Variants in TTC28 observed in about 807,000 individuals in gnomAD.
TTC28 encodes tetratricopeptide repeat domain 28.
Under a neutral mutation model 198.0 loss-of-function variants are expected in TTC28, and 61 were observed. The observed-to-expected ratio is 0.31, with a 90% CI of 0.25 to 0.38. The LOEUF is 0.38. Among genes scored for constraint, TTC28 ranks in the 10% least tolerant of loss-of-function variants. The pLI is 1.00. For missense variants in TTC28, 2,678 were observed against 3,164.0 expected (o/e 0.85, Z 3.69); for synonymous variants, 1,171 against 1,297.8 (o/e 0.90, Z 2.10).
Position 28,520,539 on chromosome 22 carries a change from T to C in TTC28, c.381+109013A>G, listed in dbSNP as rs527888722. 3.3e-5 allele frequency among the ~76,000 whole-genome samples: 5 copies of C among 152,192 alleles called. No individual in the cohort carries two copies. In the South Asian group the frequency reaches 1.0e-3, roughly 32 times the overall value. ...CAGACCAACTCACCTATCAAAACTA[T>C]CCTCCACAGCCTGGGCACCATCAAG... On this transcript the variant is annotated intron_variant, in intron 2 of 22. Transcript: ENST00000397906.
At chr22:28,579,356 T>C (rs956762284) in intron 2 of TTC28, among the ~76,000 whole-genome samples, 7 of 149,486 alleles carry the variant, frequency 4.7e-5, no homozygotes, top group Admixed American at 4.0e-4. Context: ...TATACATAAC[T>C]ATACATATGA....
chr22:28,460,558 A>G (rs1362340778), intron 2 of TTC28, among the ~76,000 whole-genome samples: 1 of 151,910 alleles, frequency 6.6e-6, no homozygotes, highest in East Asian at 1.9e-4. Flanking sequence ...ATATATATGT[A>G]TGTATGTATG....
At chr22:28,454,208 C>A (rs906711634) in intron 2 of TTC28, among the ~76,000 whole-genome samples, 1 of 152,170 alleles carries the variant, frequency 6.6e-6, no homozygotes, top group Admixed American at 6.5e-5. Flanking sequence ...CCACTTATTA[C>A]AATTTGAAAT....
At chr22:28,317,539 C>G (rs988054361) in intron 2 of TTC28, among the ~76,000 whole-genome samples, 2 of 152,164 alleles carry the variant, frequency 1.3e-5, no homozygotes, top group Admixed American at 6.5e-5. Context: ...ATATGCGCCA[C>G]TGAGTGTTCT....
At chr22:28,038,905 A>G (rs1014095885) in intron 12 of TTC28, among the ~76,000 whole-genome samples, 44 of 152,276 alleles carry the variant, frequency 2.9e-4, no homozygotes, top group Admixed American at 1.4e-3. Flanking sequence ...TGTAGCCAAC[A>G]GACACATGAA....
At chr22:28,306,722 G>A in intron 2 of TTC28, 79 bp from the exon 3 acceptor site, 1 of 1,450,906 alleles carries the variant, frequency 6.9e-7, no homozygotes. Context: ...AGAACAACAG[G>A]TCAGCAGAAC....
intron 2 of TTC28, among the ~76,000 whole-genome samples, chr22:28,317,203 G>C (rs977428633): frequency 6.6e-6 from 1 of 152,102 alleles, no homozygotes; most frequent in African/African-American, 2.4e-5. Context: ...GGTTGTAATA[G>C]CTACTATTAA....
chr22:28,498,317 A>T (rs1279838545), intron 2 of TTC28, among the ~76,000 whole-genome samples: 2 of 152,220 alleles, frequency 1.3e-5, no homozygotes, highest in South Asian at 4.1e-4. Context: ...CAGCAAATGC[A>T]GTTCACTTTG....
intron 1 of TTC28, among the ~76,000 whole-genome samples, chr22:28,633,030 A>C (rs1386899571): frequency 6.6e-6 from 1 of 152,040 alleles, no homozygotes; most frequent in Non-Finnish European, 1.5e-5. Context: ...CTGTAATCCC[A>C]GCACTTTGGG....
At chr22:28,542,754 A>G (rs928234704) in intron 2 of TTC28, among the ~76,000 whole-genome samples, 1 of 152,204 alleles carries the variant, frequency 6.6e-6, no homozygotes, top group Non-Finnish European at 1.5e-5. Flanking sequence ...AAAACACAAT[A>G]TATCAACATT....
At chr22:27,996,299 G>T in intron 16 of TTC28, 40 bp from the exon 17 acceptor site, 1 of 1,541,264 alleles carries the variant, frequency 6.5e-7, no homozygotes, top group Non-Finnish European at 8.8e-7. Context: ...AGGGCAGCTG[G>T]AGACCCCCAG....
intron 6 of TTC28, among the ~76,000 whole-genome samples, chr22:28,134,931 C>A (rs531808457): frequency 8.5e-5 from 13 of 152,284 alleles, no homozygotes; most frequent in Middle Eastern, 3.4e-3. Flanking sequence ...CTCACTCATG[C>A]ATTCTTATAA....
At chr22:27,996,338 C>G (rs1298622306) in intron 16 of TTC28, 79 bp from the exon 17 acceptor site, 15 of 1,509,178 alleles carry the variant, frequency 9.9e-6, no homozygotes, top group Non-Finnish European at 1.3e-5. Flanking sequence ...GGCTCACTTA[C>G]GCCTCGAGGT....
chr22:28,125,332 T>G (rs1237436786), intron 6 of TTC28, among the ~76,000 whole-genome samples: 2 of 152,168 alleles, frequency 1.3e-5, no homozygotes, highest in Non-Finnish European at 2.9e-5. Flanking sequence ...GGACTTAATT[T>G]TCTAAAAATG....
intron 5 of TTC28, among the ~76,000 whole-genome samples, chr22:28,233,061 C>T (rs180865943): frequency 6.6e-6 from 1 of 151,708 alleles, no homozygotes; most frequent in Non-Finnish European, 1.5e-5. Flanking sequence ...GAGATCACAC[C>T]ATTGCACTCC....
chr22:28,048,846 T>C (rs2146697903), intron 12 of TTC28, among the ~76,000 whole-genome samples: 1 of 152,082 alleles, frequency 6.6e-6, no homozygotes, highest in African/African-American at 2.4e-5. Flanking sequence ...GACTCTCCCT[T>C]CTCCATCAAC....
At chr22:28,172,576 A>C (rs1922786403) in intron 5 of TTC28, among the ~76,000 whole-genome samples, 1 of 152,148 alleles carries the variant, frequency 6.6e-6, no homozygotes, top group Non-Finnish European at 1.5e-5. Flanking sequence ...TGCTTACTAA[A>C]GCTCTCTGAA....
At chr22:28,221,935 A>C (rs1239415538) in intron 5 of TTC28, among the ~76,000 whole-genome samples, 1 of 152,206 alleles carries the variant, frequency 6.6e-6, no homozygotes, top group Non-Finnish European at 1.5e-5. Context: ...TTGAACCTGG[A>C]ATAGTGGCTG....
chr22:28,085,699 T>G (rs1033569528), intron 12 of TTC28, among the ~76,000 whole-genome samples: 1 of 152,018 alleles, frequency 6.6e-6, no homozygotes, highest in African/African-American at 2.4e-5. Flanking sequence ...ATGCTCCAAT[T>G]AAAAGACACA....
Sources: allele counts gnomAD v4.1 joint callset (sites outside exome capture counted in the v4.1 genomes callset), GRCh38; gene constraint gnomAD v4.1.1; transcripts MANE v1.5; gene names NCBI Gene and HGNC (gene_info 2026-07-23, HGNC 2026-07-21).